The following OPHN1 variants were observed in gnomAD, a reference collection of about 807,000 sequenced individuals.
OPHN1 encodes the protein oligophrenin-1.
In OPHN1, 11 loss-of-function variants were observed where a neutral mutation model predicts 60.7. The observed-to-expected ratio is 0.18, with a 90% CI of 0.11 to 0.30. The LOEUF is 0.30. Among genes scored for constraint, OPHN1 ranks in the 10% least tolerant of loss-of-function variants. The pLI, the probability that OPHN1 is intolerant of heterozygous loss-of-function variation, is 1.00. For synonymous variants in OPHN1, 226 were observed against 222.6 expected (o/e 1.02, Z -0.14); for missense variants, 449 against 611.0 (o/e 0.73, Z 2.80).
intron 5 of OPHN1, among the ~76,000 whole-genome samples, chrX:68,237,640 CATT>C (rs756513427): frequency 2.4e-4 from 27 of 111,941 alleles, no homozygotes; most frequent in African/African-American, 7.8e-4. Flanking sequence ...TTAATGTTCA[CATT>C]ATTAATGTCA....
chrX:68,387,860 G>A (rs1225214732), intron 2 of OPHN1, among the ~76,000 whole-genome samples: 1 of 111,175 alleles, frequency 9.0e-6, no homozygotes, highest in African/African-American at 3.3e-5. Context: ...CAAGTAAGAA[G>A]AGGGATCATC....
rs1392914056 is a variant in OPHN1, at chrX:68,043,187, C to T, written c.*3985G>A. The stretch of plus-strand genomic sequence containing the variant: ...ATTGAACAATGAGATCACATGGACA[C>T]AGGAAGGGGAATATCACACTCTGGG... On this transcript the variant is annotated 3_prime_UTR_variant, in exon 25 of 25. Transcript: ENST00000355520. 1.7e-5 allele frequency: 1 copy of T among 57,248 alleles called. No individual in the cohort carries two copies. Among genetic ancestry groups the T allele is most frequent in the Non-Finnish European group, 3.1e-5 (1 of 32,309 alleles). The allele number at this position is 57,248 out of a possible 1,213,427, so 4.7% of individuals were successfully genotyped here.
intron 10 of OPHN1, 71 bp from the exon 11 acceptor site, chrX:68,201,781 G>A (rs1259648749): frequency 1.4e-5 from 12 of 868,114 alleles, no homozygotes; most frequent in Non-Finnish European, 1.7e-5. Flanking sequence ...TTCCTACAGT[G>A]TCTTCAGTGT....
chrX:68,433,067 C>T, intron 1 of OPHN1, 43 bp from the exon 2 acceptor site: 5 of 1,139,967 alleles, frequency 4.4e-6, no homozygotes, highest in Non-Finnish European at 5.9e-6. Flanking sequence ...ACACAAAGAC[C>T]GAGAGCATCA....
chrX:68,046,122 A>G lies in OPHN1; in HGVS notation c.*1050T>C, dbSNP rs2076831569. 1 of 112,213 alleles carries G rather than the reference A, an allele frequency of 8.9e-6. No homozygotes were observed. Among genetic ancestry groups the G allele is most frequent in the Admixed American group, 9.4e-5 (1 of 10,594 alleles). 9.2% of individuals were successfully genotyped at this position (112,213 alleles called of 1,213,427 possible). On this transcript the variant is annotated 3_prime_UTR_variant, in exon 25 of 25. Transcript: ENST00000355520. Reference sequence around the variant, plus strand: ...GAAATTTAGCAGAACATTATGGACTATCTCCCCAGAAAGGGCATATTGTCA... The same window carrying G: ...GAAATTTAGCAGAACATTATGGACTGTCTCCCCAGAAAGGGCATATTGTCA...
chrX:68,432,799 G>GGT (rs752214654), intron 2 of OPHN1, 68 bp downstream of exon 2: 7 of 1,113,792 alleles, frequency 6.3e-6, no homozygotes, highest in Non-Finnish European at 8.6e-6. Flanking sequence ...TTCCCCTGGT[G>GGT]GTGTGGAAAG....
chrX:68,349,631 C>T (rs1314411733), intron 2 of OPHN1, among the ~76,000 whole-genome samples: 4 of 111,690 alleles, frequency 3.6e-5, no homozygotes, highest in Non-Finnish European at 7.5e-5. Context: ...TGCCACTATT[C>T]ACAATAGCAA....
At chrX:68,225,615 T>C (rs777555857) in intron 6 of OPHN1, among the ~76,000 whole-genome samples, 1 of 112,278 alleles carries the variant, frequency 8.9e-6, no homozygotes, top group Admixed American at 9.4e-5. Context: ...AAACAGGATC[T>C]GCAGTGGACC....
At chrX:68,194,019 A>G (rs2077500352) in intron 13 of OPHN1, 67 bp from the exon 14 acceptor site, 1 of 944,841 alleles carries the variant, frequency 1.1e-6, no homozygotes, top group East Asian at 3.1e-5. Flanking sequence ...ACATTTAATG[A>G]CCATGCAAAG....
intron 15 of OPHN1, among the ~76,000 whole-genome samples, chrX:68,168,527 A>C (rs1158545742): frequency 9.0e-6 from 1 of 110,965 alleles, no homozygotes; most frequent in Non-Finnish European, 1.9e-5. Flanking sequence ...AATTTATAGC[A>C]CTAAATGCCC....
chrX:68,345,730 C>G (rs2078375873), intron 2 of OPHN1, among the ~76,000 whole-genome samples: 1 of 111,896 alleles, frequency 8.9e-6, no homozygotes, highest in Admixed American at 9.5e-5. Flanking sequence ...GTGGCACACG[C>G]CTGTAGTCCC....
intron 2 of OPHN1, among the ~76,000 whole-genome samples, chrX:68,384,906 G>A (rs1405377064): frequency 1.8e-5 from 2 of 110,466 alleles, no homozygotes; most frequent in African/African-American, 6.6e-5. Context: ...GGGTCTCCGG[G>A]GGAAGGTTGG....
At chrX:68,189,494 A>T (rs1250243827) in intron 15 of OPHN1, among the ~76,000 whole-genome samples, 1 of 109,130 alleles carries the variant, frequency 9.2e-6, no homozygotes, top group African/African-American at 3.4e-5. Context: ...TCCTAATGCT[A>T]TCCCTCCCAC....
chrX:68,053,412 T>C (rs1407536346), intron 22 of OPHN1, among the ~76,000 whole-genome samples: 1 of 111,315 alleles, frequency 9.0e-6, no homozygotes, highest in Non-Finnish European at 1.9e-5. Flanking sequence ...CTAAGAAAAA[T>C]GGGTCTCCTA....
At chrX:68,089,939 A>C (rs1434242675) in intron 19 of OPHN1, among the ~76,000 whole-genome samples, 3 of 111,739 alleles carry the variant, frequency 2.7e-5, no homozygotes, top group Non-Finnish European at 5.6e-5. Flanking sequence ...AATCTTAATA[A>C]TTCTCTGCTC....
chrX:68,228,372 C>A (rs758349856), intron 6 of OPHN1, among the ~76,000 whole-genome samples: 71 of 108,889 alleles, frequency 6.5e-4, no homozygotes, highest in East Asian at 1.1e-3. Context: ...TATTCCAATC[C>A]ATAGAAAAAG....
intron 6 of OPHN1, among the ~76,000 whole-genome samples, chrX:68,220,400 A>G (rs2077648040): frequency 9.0e-6 from 1 of 111,516 alleles, no homozygotes; most frequent in Non-Finnish European, 1.9e-5. Flanking sequence ...CAATCAATAG[A>G]AAAAGAGGGA....
chrX:68,284,734 A>T (rs971331281), intron 3 of OPHN1, among the ~76,000 whole-genome samples: 4 of 111,340 alleles, frequency 3.6e-5, no homozygotes, highest in Admixed American at 9.6e-5. Context: ...GATAACCACT[A>T]ATCTATTTTC....
intron 20 of OPHN1, among the ~76,000 whole-genome samples, chrX:68,072,583 T>C (rs1222706280): frequency 9.0e-6 from 1 of 111,640 alleles, no homozygotes; most frequent in Non-Finnish European, 1.9e-5. Context: ...GTTGTAGCTA[T>C]TTGGTTTGGC....
Sources: gnomAD v4.1 joint callset for allele counts (sites outside exome capture counted in the v4.1 genomes callset) on GRCh38, gnomAD v4.1.1 for gene constraint, MANE v1.5 for transcripts, NCBI Gene and HGNC (gene_info 2026-07-23, HGNC 2026-07-21) for gene names.